INF2: variants seen among roughly 807,000 people sequenced by gnomAD.
INF2 encodes the protein inverted formin-2.
INF2 carries 43 observed loss-of-function variants against 123.5 expected under a neutral mutation model. That is an observed-to-expected ratio of 0.35 (90% CI 0.27 to 0.45). INF2 has a LOEUF of 0.45. INF2 is among the 20% of genes least tolerant of loss of function. INF2 has a pLI of 1.00. For missense variants in INF2, 1,453 were observed against 1,682.7 expected, an observed-to-expected ratio of 0.86 and a Z score of 2.39; for synonymous variants, 851 against 745.0, an observed-to-expected ratio of 1.14 and a Z score of -2.32.
At chr14:104,691,234 G>A (rs945504356) in intron 1 of INF2, 1 of 152,256 alleles carries the variant, frequency 6.6e-6, no homozygotes, top group East Asian at 1.9e-4. Flanking sequence ...TAGACTCTGC[G>A]CCTTCCATCA....
intron 18 of INF2, 96 bp from the exon 19 acceptor site, chr14:104,713,111 C>T: frequency 6.2e-7 from 1 of 1,607,774 alleles, no homozygotes; most frequent in Admixed American, 1.7e-5. Flanking sequence ...CCATGTGGGC[C>T]CTGCGCTGCT....
chr14:104,697,062 C>T (rs1419770549), intron 1 of INF2, among the ~76,000 whole-genome samples: 1 of 152,218 alleles, frequency 6.6e-6, no homozygotes, highest in East Asian at 1.9e-4. Flanking sequence ...CTGCCAGGCT[C>T]AGGGCTTGGC....
rs142523397 is a variant in INF2, at chr14:104,702,234, C to T, written c.391+478C>T. ...CTACTGATGGTGTCACCCTCCACCT[C>T]CCAGCGCCTTCCCTAGCGCCTCCCT... On this transcript the variant is annotated intron_variant, in intron 2 of 22. Coordinates refer to ENST00000392634, the MANE Select transcript of INF2 (RefSeq NM_022489.4). Among the ~76,000 whole-genome samples the T allele has an allele frequency of 5.4e-3, 818 of 152,278 alleles. 6 individuals carry two copies. The highest frequency in any genetic ancestry group is 0.037 in the Middle Eastern group (11 of 294).
At position 104,703,384 on chromosome 14, in the gene INF2, C is replaced by T. The variant is rs372269719; in HGVS notation, c.597C>T (p.Ser199=). The T allele has an allele frequency of 1.0e-4, 168 of 1,612,804 alleles. 1 individual carries two copies. The highest frequency in any genetic ancestry group is 3.3e-4 in the Middle Eastern group (2 of 6,082). The change falls in exon 4 of 23, where the codon AGC becomes AGT. Residue 199 remains serine (S), a synonymous_variant. Transcript: ENST00000392634. The stretch of plus-strand genomic sequence containing the variant: ...TGCCCTACGTGGTCACCCTGCTTAG[C>T]GTGATCAACGCCGTCATCTTGGGCC... The part of the protein sequence containing the change: ...DNVPYVVTLL[S]VINAVILGPE...
chr14:104,711,946 A>G (rs1595176688), intron 16 of INF2, among the ~76,000 whole-genome samples: 1 of 152,172 alleles, frequency 6.6e-6, no homozygotes, highest in Admixed American at 6.5e-5. Flanking sequence ...TCAGGGTCAC[A>G]CCACGGGCAG....
chr14:104,701,312 C>T lies in INF2; in HGVS notation c.-9-45C>T, dbSNP rs1217423527. 4.6e-6 allele frequency: 7 copies of T among 1,532,050 alleles called. No individual in the cohort carries two copies. The African/African-American group carries it at 5.5e-5, about 12-fold the overall frequency. 94.9% of individuals were successfully genotyped at this position (1,532,050 alleles called of 1,614,324 possible). On this transcript the variant is annotated intron_variant, in intron 1 of 22. Transcript: ENST00000392634. ...CCTGCGCTGGTGGCCAGGAGGACAG[C>T]CCCCATCCCCTCCCCGCTGACGGCT...
At chr14:104,716,804 C>T (rs762645514) in intron 22 of INF2, among the ~76,000 whole-genome samples, 14 of 152,244 alleles carry the variant, frequency 9.2e-5, no homozygotes, top group Non-Finnish European at 1.5e-5. Context: ...GATTCTCCTG[C>T]CTCAGCCTCC....
rs1355429413 is a variant in INF2 at position 104,707,148 on chromosome 14, C to CCT, written c.985+100_985+101dup. On this transcript the variant is annotated intron_variant, in intron 7 of 22. Coordinates refer to ENST00000392634, the MANE Select transcript of INF2 (RefSeq NM_022489.4). ...GAGCCTGCCCTTGGCCCCAACCCAT[C>CCT]CTCTGCCCAGGGGAGGTGGCCGCTT... 9.9e-6 allele frequency: 15 copies of CCT among 1,508,134 alleles called. No homozygotes were observed. In the East Asian group the frequency reaches 3.4e-4, roughly 34 times the overall value. 93.4% of individuals were successfully genotyped at this position (1,508,134 alleles called of 1,614,324 possible). A position where few individuals can be genotyped will look rare whatever the true frequency, so the allele number is the denominator to read the frequency against.
At chr14:104,710,027 C>A in intron 12 of INF2, 61 bp from the exon 13 acceptor site, 1 of 1,363,078 alleles carries the variant, frequency 7.3e-7, no homozygotes, top group Non-Finnish European at 1.0e-6. Flanking sequence ...GTGCTGAGTG[C>A]CCCTCTGGCA....
rs1194952349 is a variant in INF2 at position 104,714,823 on chromosome 14, C to T, written c.3661C>T (p.Arg1221Ter). 6 of 1,594,032 alleles carry T rather than the reference C, an allele frequency of 3.8e-6. No individual in the cohort carries two copies. The highest frequency in any genetic ancestry group is 1.8e-5 in the Admixed American group (1 of 55,500). Residue 1221 changes from arginine to a stop codon, truncating the protein, a stop_gained, in exon 21 of 23, where the codon CGA (arginine) becomes TGA (stop). Transcript: ENST00000392634. LOFTEE classifies it high-confidence loss of function. ...CCGGGCCTCAAAGGGGACCGGGAAG[C>T]GAAGGAAGAAGCGTCCCTCCAGGAG... is the stretch of plus-strand genomic sequence containing the variant. Reference protein sequence around the residue: ...RGRASKGTGKRRKKRPSRSQE... With the variant: ...RGRASKGTGK
chr14:104,712,980 C>T lies in INF2; in HGVS notation c.2763C>T (p.Leu921=). Residue 921 remains leucine, a synonymous_variant, in exon 18 of 23, where the codon CTC becomes CTT. Coordinates refer to ENST00000392634, the MANE Select transcript of INF2 (RefSeq NM_022489.4). ...STMKAFRDLF[L]RALKENKDRK... is the part of the protein sequence containing the mutation. ...TGAAGGCTTTCCGGGACCTTTTCCT[C>T]CGCGCCCTGAAGGTGGGGCAGCCCG... is the stretch of plus-strand genomic sequence containing the variant. 1.2e-6 allele frequency: 2 copies of T among 1,612,512 alleles called. No individual in the cohort carries two copies. Among genetic ancestry groups the T allele is most frequent in the Non-Finnish European group, 1.7e-6 (2 of 1,179,790 alleles).
intron 18 of INF2, 93 bp downstream of exon 18, chr14:104,713,085 C>G (rs1453959768): frequency 2.5e-6 from 4 of 1,607,270 alleles, no homozygotes; most frequent in Non-Finnish European, 2.5e-6. Flanking sequence ...AGGCACCTTT[C>G]GTCGGGCCGA....
chr14:104,715,320 A>G lies in INF2; in HGVS notation c.3731A>G (p.Lys1244Arg), dbSNP rs1342205609. The change falls in exon 22 of 23, where the codon AAA (lysine) becomes AGA (arginine). Residue 1244 changes from lysine to arginine, a missense_variant. This residue lies in a region of INF2 where 344 missense variants were observed against 333.1 expected (regional missense o/e 1.03). Transcript: ENST00000392634. ...PPDSDDNKTK[K>R]LCVIQ ...GATTCTGATGATAATAAAACAAAGA[A>G]ACTGTGTGTGATCCAGTAAGGTATG... is the stretch of plus-strand genomic sequence containing the variant. 2 of 1,613,588 alleles carry G rather than the reference A, an allele frequency of 1.2e-6. No homozygotes were observed. Among genetic ancestry groups the G allele is most frequent in the Non-Finnish European group, 1.7e-6 (2 of 1,179,842 alleles).
intron 22 of INF2, chr14:104,715,916 T>G (rs1019813852): frequency 3.5e-5 from 16 of 456,036 alleles, no homozygotes; most frequent in Non-Finnish European, 7.1e-5. Context: ...TGTTGGACAG[T>G]GTCCTCCCAC....
Position 104,719,337 on chromosome 14 carries a change from G to A in INF2, c.*544G>A, listed in dbSNP as rs111978619. On this transcript the variant is annotated 3_prime_UTR_variant, in exon 23 of 23. Transcript: ENST00000392634. ...GCCCCTGAAGTTGGAGTGGGGGGCG[G>A]TCTGCCTTTGCTGCCACTGCCAGGC... is the stretch of plus-strand genomic sequence containing the variant. 542 of 153,998 alleles carry A rather than the reference G, an allele frequency of 3.5e-3. 1 individual carries two copies. Among genetic ancestry groups the A allele is most frequent in the Middle Eastern group, 0.023 (7 of 300 alleles). 9.5% of individuals were successfully genotyped at this position (153,998 alleles called of 1,614,324 possible). A position where few individuals can be genotyped will look rare whatever the true frequency, so the allele number is the denominator to read the frequency against.
chr14:104,699,608 C>T lies in INF2; in HGVS notation c.-9-1749C>T, dbSNP rs1191240433. 8 of 982,068 alleles carry T rather than the reference C, an allele frequency of 8.1e-6. No homozygotes were observed. The highest frequency in any genetic ancestry group is 6.2e-5 in the Admixed American group (1 of 16,084). 60.8% of individuals were successfully genotyped at this position (982,068 alleles called of 1,614,324 possible). Reference sequence around the variant, plus strand: ...GGTCTTGCGCATCTGGGTGAGTGGACGGCCACTGGGTGACCAAGAGGGCCG... The same window carrying T: ...GGTCTTGCGCATCTGGGTGAGTGGATGGCCACTGGGTGACCAAGAGGGCCG... On this transcript the variant is annotated intron_variant, in intron 1 of 22. Coordinates refer to ENST00000392634, the MANE Select transcript of INF2 (RefSeq NM_022489.4). The surrounding 1 kb of genome is among the most constrained non-coding windows in gnomAD (Gnocchi z 4.7).
intron 20 of INF2, 72 bp from the exon 21 acceptor site, chr14:104,714,131 A>C: frequency 1.5e-6 from 2 of 1,308,570 alleles, no homozygotes; most frequent in Non-Finnish European, 2.0e-6. Flanking sequence ...AGACAGCGGA[A>C]TGGAGGAGGC....
chr14:104,713,312 G>T lies in INF2; in HGVS notation c.2878+3G>T. The T allele has an allele frequency of 6.4e-7, 1 of 1,550,954 alleles. No individual in the cohort carries two copies. The highest frequency in any genetic ancestry group is 8.7e-7 in the Non-Finnish European group (1 of 1,147,720). On this transcript the variant is annotated splice_donor_region_variant and intron_variant, in intron 19 of 22. Coordinates refer to ENST00000392634, the MANE Select transcript of INF2 (RefSeq NM_022489.4). ...TCGGGGAGAGGACGGGAAGCCTGGT[G>T]AGGCTGGGCCGGCTGGGCGGGGAGG... is the stretch of plus-strand genomic sequence containing the variant.
At chr14:104,698,966 G>A (rs1446441215) in intron 1 of INF2, among the ~76,000 whole-genome samples, 1 of 152,192 alleles carries the variant, frequency 6.6e-6, no homozygotes, top group African/African-American at 2.4e-5. Context: ...TGATGGGCAG[G>A]AGGGCCAGTT....
Sources: gnomAD v4.1 joint callset for allele counts (sites outside exome capture counted in the v4.1 genomes callset) on GRCh38, gnomAD v4.1.1 for gene constraint, gnomAD v4.1.1 regional missense constraint, Gnocchi (gnomAD v3.1) non-coding constraint, MANE v1.5 for transcripts, NCBI Gene and HGNC (gene_info 2026-07-23, HGNC 2026-07-21) for gene names.